Variants in CACNA2D1 observed in about 807,000 individuals in gnomAD.
CACNA2D1 encodes calcium voltage-gated channel auxiliary subunit alpha2delta 1.
A neutral mutation model predicts 171.5 loss-of-function variants in CACNA2D1; 53 were observed. The ratio of observed to expected loss-of-function variants is 0.31; its 90% CI spans 0.25 to 0.39. The LOEUF (loss-of-function observed/expected upper bound fraction) is 0.39. CACNA2D1 is among the 10% of genes least tolerant of loss of function. CACNA2D1 has a pLI of 1.00. For missense variants in CACNA2D1, 903 were observed against 1,299.8 expected, an observed-to-expected ratio of 0.69 and a Z score of 4.69; for synonymous variants, 442 against 443.1, an observed-to-expected ratio of 1.00 and a Z score of 0.03.
intron 1 of CACNA2D1, among the ~76,000 whole-genome samples, chr7:82,380,424 T>C (rs1217239585): frequency 3.3e-5 from 5 of 152,128 alleles, no homozygotes; most frequent in Non-Finnish European, 5.9e-5. Context: ...GTTTGGAGAA[T>C]TGATCATTCA....
chr7:82,259,450 T>G (rs1288631239), intron 3 of CACNA2D1, among the ~76,000 whole-genome samples: 1 of 152,236 alleles, frequency 6.6e-6, no homozygotes, highest in Non-Finnish European at 1.5e-5. Flanking sequence ...TTTGGAATAC[T>G]AATGAGCAGT....
chr7:82,060,187 AT>A (rs1806558351), intron 10 of CACNA2D1, among the ~76,000 whole-genome samples: 2 of 13,090 alleles, frequency 1.5e-4, no homozygotes, highest in African/African-American at 2.8e-4. Flanking sequence ...TAATATATAT[AT>A]ATTATATATA....
intron 1 of CACNA2D1, among the ~76,000 whole-genome samples, chr7:82,401,725 A>G (rs1457302563): frequency 1.3e-5 from 2 of 152,064 alleles, no homozygotes; most frequent in Non-Finnish European, 2.9e-5. Flanking sequence ...AAAAAAAAAG[A>G]AATGAAAAGA....
At chr7:81,996,236 G>A (rs576327706) in intron 19 of CACNA2D1, among the ~76,000 whole-genome samples, 2 of 152,286 alleles carry the variant, frequency 1.3e-5, no homozygotes, top group African/African-American at 4.8e-5. Context: ...ACTGGAGTAA[G>A]AGTCCAGACA....
At chr7:82,077,584 C>A (rs1809145539) in intron 7 of CACNA2D1, among the ~76,000 whole-genome samples, 1 of 152,112 alleles carries the variant, frequency 6.6e-6, no homozygotes, top group South Asian at 2.1e-4. Flanking sequence ...TGTTAAAAAT[C>A]ACTATTATTT....
intron 2 of CACNA2D1, among the ~76,000 whole-genome samples, chr7:82,340,341 G>GTTTTTTT (rs199938853): frequency 7.5e-6 from 1 of 133,216 alleles, no homozygotes. Context: ...TTTGTTTTTT[G>GTTTTTTT]TTTTTTTTTT....
chr7:82,409,436 G>A (rs573099620), intron 1 of CACNA2D1, among the ~76,000 whole-genome samples: 1 of 152,214 alleles, frequency 6.6e-6, no homozygotes, highest in South Asian at 2.1e-4. Context: ...AATAAAGTGT[G>A]GTACCCAACA....
chr7:82,442,253 A>G (rs1363449541), intron 1 of CACNA2D1, among the ~76,000 whole-genome samples: 1 of 152,198 alleles, frequency 6.6e-6, no homozygotes, highest in Non-Finnish European at 1.5e-5. Context: ...AAACTCCTGT[A>G]TTCAGCACTC....
intron 3 of CACNA2D1, among the ~76,000 whole-genome samples, chr7:82,179,016 T>C (rs780640375): frequency 6.6e-5 from 10 of 152,134 alleles, no homozygotes; most frequent in Non-Finnish European, 1.2e-4. Context: ...TTCAGTATTA[T>C]AATACTTTGA....
intron 3 of CACNA2D1, among the ~76,000 whole-genome samples, chr7:82,193,215 T>C (rs1179443141): frequency 2.0e-5 from 3 of 151,996 alleles, no homozygotes; most frequent in Non-Finnish European, 4.4e-5. Context: ...AATAATTAAA[T>C]ACTATTAATG....
chr7:82,340,220 CT>C (rs1818458244), intron 2 of CACNA2D1, among the ~76,000 whole-genome samples: 1 of 152,202 alleles, frequency 6.6e-6, no homozygotes, highest in Non-Finnish European at 1.5e-5. Flanking sequence ...ATAATAGCTT[CT>C]GAGGCTGCCT....
chr7:82,336,625 T>A (rs1433049115), intron 2 of CACNA2D1, among the ~76,000 whole-genome samples: 1 of 152,134 alleles, frequency 6.6e-6, no homozygotes, highest in African/African-American at 2.4e-5. Context: ...TGCTTTCTGC[T>A]AAGAAGCAGA....
At chr7:82,385,926 AATTGATAGG>A (rs1824309116) in intron 1 of CACNA2D1, among the ~76,000 whole-genome samples, 1 of 152,130 alleles carries the variant, frequency 6.6e-6, no homozygotes, top group Non-Finnish European at 1.5e-5. Context: ...CGGCCTCCCA[AATTGATAGG>A]ATTACAGGCG....
intron 3 of CACNA2D1, among the ~76,000 whole-genome samples, chr7:82,182,864 C>T (rs1013739623): frequency 1.9e-4 from 29 of 151,832 alleles, no homozygotes; most frequent in African/African-American, 4.1e-4. Flanking sequence ...AGTGAAACCC[C>T]GTCTCTACTA....
At chr7:82,060,111 C>G (rs1287020511) in intron 10 of CACNA2D1, among the ~76,000 whole-genome samples, 1 of 91,362 alleles carries the variant, frequency 1.1e-5, no homozygotes, top group African/African-American at 3.9e-5. Flanking sequence ...CAAACCTGCA[C>G]GTTGTGCACA....
chr7:82,443,611 CG>C lies in CACNA2D1; in HGVS notation c.-153del. 2 of 1,367,096 alleles carry C rather than the reference CG, an allele frequency of 1.5e-6. No individual in the cohort carries two copies. Among genetic ancestry groups the C allele is most frequent in the South Asian group, 1.8e-5 (1 of 55,790 alleles). 84.7% of individuals were successfully genotyped at this position (1,367,096 alleles called of 1,614,324 possible). A position where few individuals can be genotyped will look rare whatever the true frequency, so the allele number is the denominator to read the frequency against. On this transcript the variant is annotated 5_prime_UTR_variant, in exon 1 of 39. Transcript: ENST00000356860. Reference sequence around the variant, plus strand: ...CCGGGGCCCGAGGCGCGGAGCCGCGCGGGGGACGGCAAGGGCGGGAGCGGAC... The same window carrying C: ...CCGGGGCCCGAGGCGCGGAGCCGCGCGGGGACGGCAAGGGCGGGAGCGGAC...
chr7:82,012,977 G>C (rs1450108873), intron 14 of CACNA2D1, among the ~76,000 whole-genome samples: 1 of 151,962 alleles, frequency 6.6e-6, no homozygotes, highest in Non-Finnish European at 1.5e-5. Context: ...AATGATGTTA[G>C]AAAAATCATC....
intron 4 of CACNA2D1, among the ~76,000 whole-genome samples, chr7:82,152,371 T>C (rs1044934642): frequency 3.4e-5 from 5 of 146,382 alleles, no homozygotes; most frequent in African/African-American, 1.3e-4. Flanking sequence ...AGGTAAAACC[T>C]TGAGAAAATA....
intron 7 of CACNA2D1, among the ~76,000 whole-genome samples, chr7:82,082,100 G>A (rs13246440): frequency 6.6e-6 from 1 of 152,138 alleles, no homozygotes; most frequent in Non-Finnish European, 1.5e-5. Flanking sequence ...ATGGATGGTG[G>A]CAGGTTAACA....
Sources: allele counts gnomAD v4.1 joint callset (sites outside exome capture counted in the v4.1 genomes callset), GRCh38; gene constraint gnomAD v4.1.1; transcripts MANE v1.5; gene names NCBI Gene and HGNC (gene_info 2026-07-23, HGNC 2026-07-21).